Variants in ZFAT observed in about 807,000 individuals in gnomAD.
ZFAT encodes zinc finger protein ZFAT.
In ZFAT, 64 loss-of-function variants were observed where a neutral mutation model predicts 117.7. The observed-to-expected ratio is 0.54, with a 90% CI of 0.44 to 0.67. ZFAT has a LOEUF of 0.67. Among genes scored for constraint, ZFAT ranks in the 30% least tolerant of loss-of-function variants. The pLI is 0.00. For synonymous variants in ZFAT, 679 were observed against 615.0 expected (o/e 1.10, Z -1.54); for missense variants, 1,433 against 1,584.5 (o/e 0.90, Z 1.62).
At chr8:134,684,800 G>A in intron 1 of ZFAT, among the ~76,000 whole-genome samples, 1 of 152,166 alleles carries the variant, frequency 6.6e-6, no homozygotes, top group East Asian at 1.9e-4. Context: ...AGTGTGGCAG[G>A]TGTGGGCAGC....
Position 134,478,096 on chromosome 8 carries a change from T to G in ZFAT, c.*386A>C. On this transcript the variant is annotated 3_prime_UTR_variant, in exon 16 of 16. Coordinates refer to ENST00000377838, the MANE Select transcript of ZFAT (RefSeq NM_020863.4). The surrounding 1 kb of genome is among the most constrained non-coding windows in gnomAD (Gnocchi z 5.2). ...CTGCATAGCGGTTGCAGATGAACATTTGGCACCTAGATGGGGGTCAAGGAG... is the reference window on the plus strand; with the variant it reads ...CTGCATAGCGGTTGCAGATGAACATGTGGCACCTAGATGGGGGTCAAGGAG... 4.1e-6 allele frequency: 1 copy of G among 243,366 alleles called. No homozygotes were observed. The highest frequency in any genetic ancestry group is 4.9e-5 in the Admixed American group (1 of 20,562). The allele number at this position is 243,366 out of a possible 1,614,324, so 15.1% of individuals were successfully genotyped here. A position where few individuals can be genotyped will look rare whatever the true frequency, so the allele number is the denominator to read the frequency against.
intron 15 of ZFAT, among the ~76,000 whole-genome samples, chr8:134,482,222 C>A (rs1308620860): frequency 6.6e-6 from 1 of 152,190 alleles, no homozygotes. Flanking sequence ...AGCCACCACT[C>A]CTGAGCTCCA....
chr8:134,819,509 GC>G, the ZFAT span, among the ~76,000 whole-genome samples: 1 of 23,668 alleles, frequency 4.2e-5, no homozygotes, highest in Admixed American at 5.0e-4. Flanking sequence ...CCCCCCCCCC[GC>G]CCCCCAACAC....
chr8:134,510,167 AG>A (rs1449960167), intron 14 of ZFAT: 2 of 456,622 alleles, frequency 4.4e-6, no homozygotes, highest in African/African-American at 4.0e-5. Flanking sequence ...GTGTGTGCCA[AG>A]AAATTCCACA....
intron 10 of ZFAT, among the ~76,000 whole-genome samples, chr8:134,567,249 G>A (rs1374525669): frequency 6.6e-6 from 1 of 152,130 alleles, no homozygotes; most frequent in Non-Finnish European, 1.5e-5. Context: ...CAGATACCCA[G>A]TAGCCTTCCT....
At chr8:134,643,651 G>T (rs1169568112) in intron 2 of ZFAT, among the ~76,000 whole-genome samples, 2 of 152,210 alleles carry the variant, frequency 1.3e-5, no homozygotes, top group African/African-American at 2.4e-5. Context: ...GTGTGAGGCG[G>T]TGATTGAAGA....
Position 134,572,315 on chromosome 8 carries a change from G to T in ZFAT, c.2888-6894C>A, listed in dbSNP as rs1824974385. 2.6e-5 allele frequency among the ~76,000 whole-genome samples: 4 copies of T among 152,204 alleles called. No homozygotes were observed. In the South Asian group the frequency reaches 8.3e-4, roughly 32 times the overall value. On this transcript the variant is annotated intron_variant, in intron 10 of 15. Transcript: ENST00000377838. ...TGGGCATACTTGTAGGAAGCAGTTG[G>T]ATTTTTATGAACATTGTTTTCGTGC...
rs145437630 is a variant in ZFAT, at chr8:134,513,139, A to G, written c.3235-538T>C. ...GGACCTGTGATTACACAGCACGTGG[A>G]GAGCACAGGTCCCAGGTCCCAGCAG... On this transcript the variant is annotated intron_variant, in intron 13 of 15. Coordinates refer to ENST00000377838, the MANE Select transcript of ZFAT (RefSeq NM_020863.4). Among the ~76,000 whole-genome samples, 468 of 151,460 alleles carry G rather than the reference A, an allele frequency of 3.1e-3. 2 individuals carry two copies. Among genetic ancestry groups the G allele is most frequent in the South Asian group, 0.013 (60 of 4,776 alleles).
At chr8:134,616,376 G>A (rs528054713) in intron 3 of ZFAT, among the ~76,000 whole-genome samples, 1 of 152,226 alleles carries the variant, frequency 6.6e-6, no homozygotes, top group African/African-American at 2.4e-5. Flanking sequence ...ATTTGACCTG[G>A]TTGCTCACCA....
chr8:134,679,795 G>A (rs1281262289), intron 1 of ZFAT, among the ~76,000 whole-genome samples: 5 of 152,122 alleles, frequency 3.3e-5, no homozygotes, highest in Non-Finnish European at 7.3e-5. Context: ...GCAGGGACAC[G>A]GATGAAGCTG....
chr8:134,684,462 T>G (rs771068257), intron 1 of ZFAT, among the ~76,000 whole-genome samples: 3 of 152,190 alleles, frequency 2.0e-5, no homozygotes, highest in Admixed American at 6.5e-5. Context: ...CACGTCAACT[T>G]GTCTTGGTCA....
At chr8:134,702,678 TC>T (rs1231687616) in intron 1 of ZFAT, among the ~76,000 whole-genome samples, 1 of 151,018 alleles carries the variant, frequency 6.6e-6, no homozygotes, top group African/African-American at 2.5e-5. Flanking sequence ...TTTTTTTTTT[TC>T]TTTTTTTTTT....
Position 134,485,547 on chromosome 8 carries a change from T to A in ZFAT, c.3493-6826A>T, listed in dbSNP as rs556570311. Reference sequence around the variant, plus strand: ...ACACGTTTTCTGGAATCCTTGACACTGATGGGGAGGTGTCTTGCCAAACAG... The same window carrying A: ...ACACGTTTTCTGGAATCCTTGACACAGATGGGGAGGTGTCTTGCCAAACAG... On this transcript the variant is annotated intron_variant, in intron 15 of 15. Coordinates refer to ENST00000377838, the MANE Select transcript of ZFAT (RefSeq NM_020863.4). Among the ~76,000 whole-genome samples the A allele has an allele frequency of 2.0e-3, 310 of 152,290 alleles. 2 individuals carry two copies. Among genetic ancestry groups the A allele is most frequent in the African/African-American group, 7.0e-3 (290 of 41,564 alleles).
chr8:134,625,086 C>T (rs1459871687), intron 3 of ZFAT, among the ~76,000 whole-genome samples: 2 of 152,220 alleles, frequency 1.3e-5, no homozygotes, highest in Non-Finnish European at 2.9e-5. Flanking sequence ...TTATTGATTA[C>T]ACCCACACTG....
chr8:134,602,905 T>C lies in ZFAT; in HGVS notation c.814A>G (p.Thr272Ala). 1 of 1,612,184 alleles carries C rather than the reference T, an allele frequency of 6.2e-7. No individual in the cohort carries two copies. Among genetic ancestry groups the C allele is most frequent in the Non-Finnish European group, 8.5e-7 (1 of 1,179,004 alleles). Residue 272 changes from threonine to alanine, a missense_variant, in exon 6 of 16, where the codon ACT (threonine) becomes GCT (alanine). By Grantham distance (58) the Thr-to-Ala change is moderately conservative. Around this residue, in one of 5 missense-constraint regions of ZFAT, gnomAD observed 436 missense variants for 482.0 expected, o/e 0.90. Coordinates refer to ENST00000377838, the MANE Select transcript of ZFAT (RefSeq NM_020863.4). The part of the protein sequence containing the change: ...RLGPTQLKIF[T>A]CEYCNKVFKF... ...AAGACCTTGTTGCAGTATTCACAAG[T>C]GAAGATTTTGAGCTGAGTGGGACCT...
intron 5 of ZFAT, among the ~76,000 whole-genome samples, chr8:134,608,206 A>G (rs1415608884): frequency 6.6e-6 from 1 of 152,240 alleles, no homozygotes; most frequent in African/African-American, 2.4e-5. Flanking sequence ...AACAAAATTA[A>G]ACCAATATAT....
chr8:134,560,224 T>C (rs1823950029), intron 11 of ZFAT, among the ~76,000 whole-genome samples: 1 of 152,102 alleles, frequency 6.6e-6, no homozygotes, highest in South Asian at 2.1e-4. Flanking sequence ...CATCTGTTTT[T>C]CTCCTCTCAC....
chr8:134,768,802 T>C, the ZFAT span, among the ~76,000 whole-genome samples: 116,442 of 152,170 alleles, frequency 0.77, 45,077 homozygotes, highest in African/African-American at 0.89. Flanking sequence ...AATCTCATGT[T>C]GTCACTTTTC....
chr8:134,479,950 C>CTTT (rs35032412), intron 15 of ZFAT, among the ~76,000 whole-genome samples: 34 of 123,302 alleles, frequency 2.8e-4, no homozygotes, highest in African/African-American at 8.9e-4. Context: ...TTCAACCACA[C>CTTT]TTTTTTTTTT....
Sources: gnomAD v4.1 joint callset for allele counts (sites outside exome capture counted in the v4.1 genomes callset) on GRCh38, gnomAD v4.1.1 for gene constraint, gnomAD v4.1.1 regional missense constraint, Gnocchi (gnomAD v3.1) non-coding constraint, MANE v1.5 for transcripts, NCBI Gene and HGNC (gene_info 2026-07-23, HGNC 2026-07-21) for gene names.